DMD: variants seen among roughly 807,000 people sequenced by gnomAD.
The protein encoded by DMD is dystrophin.
Under a neutral mutation model 330.1 loss-of-function variants are expected in DMD, and 63 were observed. The observed-to-expected ratio is 0.19, with a 90% CI of 0.16 to 0.24. The LOEUF (loss-of-function observed/expected upper bound fraction) is 0.24. Ranked by LOEUF, DMD falls within the 10% of genes least tolerant of loss-of-function variation. The pLI is 1.00. For missense variants in DMD, 3,344 were observed against 2,684.1 expected, an observed-to-expected ratio of 1.25 and a Z score of -5.43; for synonymous variants, 1,223 against 959.8, an observed-to-expected ratio of 1.27 and a Z score of -5.07.
chrX:32,594,049 G>C (rs1469895280), intron 13 of DMD, among the ~76,000 whole-genome samples: 1 of 112,379 alleles, frequency 8.9e-6, no homozygotes. Context: ...CCTGTCTTTG[G>C]TTTTCTTCAA....
intron 17 of DMD, among the ~76,000 whole-genome samples, chrX:32,537,654 G>A (rs1603635774): frequency 9.0e-6 from 1 of 111,691 alleles, no homozygotes; most frequent in African/African-American, 3.3e-5. Context: ...GTATGAGAGG[G>A]TAAAGGAAAG....
At chrX:31,352,370 A>T (rs1173536943) in intron 60 of DMD, among the ~76,000 whole-genome samples, 2 of 111,583 alleles carry the variant, frequency 1.8e-5, no homozygotes, top group African/African-American at 3.2e-5. Flanking sequence ...AAGATGCCAT[A>T]TGGGAGTGGA....
chrX:31,789,830 A>T (rs187230755), intron 50 of DMD, among the ~76,000 whole-genome samples: 154 of 111,655 alleles, frequency 1.4e-3, no homozygotes, highest in Non-Finnish European at 2.6e-3. Flanking sequence ...TAAAAGAAAT[A>T]ATAAACCTAA....
In DMD at chrX:32,699,235, G is replaced by A. The variant is rs1280238434; in HGVS notation, c.708C>T (p.Phe236=). ...TGCTCACTTGTTGAGGCAAAACTTG[G>A]AAGAGTGATGTGATGTACATTAAGA... ...KSILMYITSL[F]QVLPQQVSIE... is the part of the protein sequence containing the mutation. Residue 236 remains phenylalanine, a synonymous_variant, in exon 8 of 79, where the codon TTC becomes TTT. Coordinates refer to ENST00000357033, the MANE Select transcript of DMD (RefSeq NM_004006.3). The A allele has an allele frequency of 4.1e-6, 5 of 1,207,989 alleles. No individual in the cohort carries two copies. In the African/African-American group the frequency reaches 8.8e-5, roughly 21 times the overall value.
At chrX:32,775,168 T>C (rs1235700156) in intron 7 of DMD, among the ~76,000 whole-genome samples, 1 of 112,751 alleles carries the variant, frequency 8.9e-6, no homozygotes, top group Non-Finnish European at 1.9e-5. Flanking sequence ...TCCCATGACC[T>C]TGGACAGCTC....
chrX:33,303,726 G>A (rs1019501938), intron 1 of DMD, among the ~76,000 whole-genome samples: 1 of 111,328 alleles, frequency 9.0e-6, no homozygotes, highest in Non-Finnish European at 1.9e-5. Flanking sequence ...TCTCCTTGCT[G>A]CCGCCATGTG....
intron 62 of DMD, among the ~76,000 whole-genome samples, chrX:31,304,603 TTA>T (rs201982524): frequency 0.12 from 12,492 of 104,521 alleles, 1,097 homozygotes; most frequent in African/African-American, 0.29. Context: ...TGTGAGCATT[TTA>T]TATATATATA....
At chrX:31,728,963 C>T (rs188825390) in intron 52 of DMD, among the ~76,000 whole-genome samples, 1 of 110,921 alleles carries the variant, frequency 9.0e-6, no homozygotes, top group East Asian at 2.8e-4. Context: ...GCGAGTTTCC[C>T]CTACTCCTTC....
chrX:32,605,512 G>T (rs2056617241), intron 12 of DMD, among the ~76,000 whole-genome samples: 1 of 110,083 alleles, frequency 9.1e-6, no homozygotes, highest in Non-Finnish European at 1.9e-5. Flanking sequence ...TTATGACTAA[G>T]TACTCAAAAA....
At chrX:32,568,220 A>G (rs912301787) in intron 15 of DMD, among the ~76,000 whole-genome samples, 2 of 112,339 alleles carry the variant, frequency 1.8e-5, no homozygotes, top group African/African-American at 3.2e-5. Flanking sequence ...AGTCACCATT[A>G]AAAATAAAAT....
intron 7 of DMD, among the ~76,000 whole-genome samples, chrX:32,710,427 G>A (rs1263917049): frequency 9.0e-6 from 1 of 110,963 alleles, no homozygotes; most frequent in Admixed American, 9.6e-5. Flanking sequence ...TCTAGAAACT[G>A]TATCAGATTA....
intron 51 of DMD, among the ~76,000 whole-genome samples, chrX:31,738,137 A>C (rs750165483): frequency 2.7e-5 from 3 of 111,661 alleles, no homozygotes; most frequent in Admixed American, 9.5e-5. Context: ...GGTTGGGATA[A>C]ATTTCTCAAT....
intron 55 of DMD, among the ~76,000 whole-genome samples, chrX:31,585,048 G>A (rs774541921): frequency 1.2e-4 from 13 of 110,241 alleles, no homozygotes; most frequent in Non-Finnish European, 2.1e-4. Context: ...CCAATGAGGC[G>A]CGGTGGCTCA....
At chrX:32,081,672 T>A (rs1437383167) in intron 44 of DMD, among the ~76,000 whole-genome samples, 2 of 110,891 alleles carry the variant, frequency 1.8e-5, no homozygotes, top group Non-Finnish European at 1.9e-5. Context: ...CTGACCAACA[T>A]GATGAAACCC....
At chrX:33,129,032 A>AATTTGT (rs1213972586) in intron 1 of DMD, 1 of 112,217 alleles carries the variant, frequency 8.9e-6, no homozygotes, top group Non-Finnish European at 1.9e-5. Context: ...AACTTACTCA[A>AATTTGT]ATTTGTATTT....
intron 60 of DMD, among the ~76,000 whole-genome samples, chrX:31,401,504 G>A (rs1006880199): frequency 1.8e-5 from 2 of 111,877 alleles, no homozygotes; most frequent in Non-Finnish European, 3.8e-5. Context: ...ATTTCAGCTA[G>A]TGAGCTAAGC....
At chrX:33,241,543 G>T (rs1002884930) in intron 1 of DMD, among the ~76,000 whole-genome samples, 8 of 111,791 alleles carry the variant, frequency 7.2e-5, no homozygotes. Flanking sequence ...AAGCTCTTTT[G>T]TGGTTCCAAT....
chrX:32,178,828 GGGGTGTGTGTGTGTGTGT>G (rs1301678213), intron 44 of DMD, among the ~76,000 whole-genome samples: 1,340 of 16,695 alleles, frequency 0.08, 30 homozygotes, highest in African/African-American at 0.23. Context: ...AATATTCCAG[GGGGTGTGTGTGTGTGTGT>G]GTGTGTGTGT....
At chrX:31,781,821 CA>C (rs1388033939) in intron 50 of DMD, among the ~76,000 whole-genome samples, 1 of 111,186 alleles carries the variant, frequency 9.0e-6, no homozygotes, top group Non-Finnish European at 1.9e-5. Flanking sequence ...GATGTACAAC[CA>C]AAAATGTCTC....
Sources: allele counts gnomAD v4.1 joint callset (sites outside exome capture counted in the v4.1 genomes callset), GRCh38; gene constraint gnomAD v4.1.1; transcripts MANE v1.5; gene names NCBI Gene and HGNC (gene_info 2026-07-23, HGNC 2026-07-21).